The following OPCML variants were observed in gnomAD, a reference collection of about 807,000 sequenced individuals.
OPCML encodes opioid binding protein/cell adhesion molecule like.
Under a neutral mutation model 37.8 loss-of-function variants are expected in OPCML, and 13 were observed. That is an observed-to-expected ratio of 0.34 (90% CI 0.22 to 0.55). The LOEUF (loss-of-function observed/expected upper bound fraction) is 0.55. OPCML is among the 20% of genes least tolerant of loss of function. OPCML has a pLI of 0.91. For synonymous variants in OPCML, 176 were observed against 168.8 expected, an observed-to-expected ratio of 1.04 and a Z score of -0.33; for missense variants, 341 against 435.6, an observed-to-expected ratio of 0.78 and a Z score of 1.93.
At chr11:132,850,429 C>G (rs1941753612) in intron 2 of OPCML, among the ~76,000 whole-genome samples, 2 of 152,076 alleles carry the variant, frequency 1.3e-5, no homozygotes, top group Admixed American at 1.3e-4. Flanking sequence ...TTAAAACGCA[C>G]AGTTGGGTAA....
chr11:133,302,888 T>A (rs1942814891), intron 1 of OPCML, among the ~76,000 whole-genome samples: 1 of 152,162 alleles, frequency 6.6e-6, no homozygotes, highest in African/African-American at 2.4e-5. Context: ...TAAATAAATT[T>A]AATTAAGAAA....
chr11:132,977,049 G>T (rs1426383237), intron 1 of OPCML, among the ~76,000 whole-genome samples: 2 of 152,064 alleles, frequency 1.3e-5, no homozygotes, highest in Non-Finnish European at 2.9e-5. Context: ...CACGACACTG[G>T]GTTACTTTCT....
At chr11:133,078,444 C>G (rs965308196) in intron 1 of OPCML, among the ~76,000 whole-genome samples, 3 of 152,162 alleles carry the variant, frequency 2.0e-5, no homozygotes, top group Admixed American at 6.5e-5. Context: ...AGAAAATGAG[C>G]AATGGAGTGA....
chr11:133,197,071 CTTAG>C (rs1173623077), intron 1 of OPCML, among the ~76,000 whole-genome samples: 1 of 152,154 alleles, frequency 6.6e-6, no homozygotes, highest in African/African-American at 2.4e-5. Context: ...AATGTGCTGT[CTTAG>C]TTAAATTAAG....
chr11:132,503,632 A>T (rs1032208967), intron 4 of OPCML, among the ~76,000 whole-genome samples: 2 of 152,226 alleles, frequency 1.3e-5, no homozygotes, highest in African/African-American at 4.8e-5. Flanking sequence ...TAATATCTCA[A>T]TAAGTGAGAT....
chr11:133,523,488 G>T (rs1004888517), intron 1 of OPCML, among the ~76,000 whole-genome samples: 1 of 152,126 alleles, frequency 6.6e-6, no homozygotes, highest in Non-Finnish European at 1.5e-5. Flanking sequence ...GCCATCTCCT[G>T]CCTGAACTAC....
intron 1 of OPCML, among the ~76,000 whole-genome samples, chr11:133,373,977 T>C (rs1944742574): frequency 6.6e-6 from 1 of 152,236 alleles, no homozygotes; most frequent in Non-Finnish European, 1.5e-5. Flanking sequence ...TGTGTGTGTA[T>C]TGTATGATCT....
intron 4 of OPCML, among the ~76,000 whole-genome samples, chr11:132,463,484 T>A (rs2096109664): frequency 6.6e-6 from 1 of 152,212 alleles, no homozygotes; most frequent in Non-Finnish European, 1.5e-5. Context: ...CCATTGCAGA[T>A]GTCCTGAAGA....
intron 2 of OPCML, among the ~76,000 whole-genome samples, chr11:132,792,863 A>G (rs969966572): frequency 1.1e-4 from 17 of 152,320 alleles, no homozygotes; most frequent in Middle Eastern, 3.4e-3. Flanking sequence ...GGGCCCGGGC[A>G]GCACAGCAGC....
At chr11:133,389,739 T>C (rs917243195) in intron 1 of OPCML, among the ~76,000 whole-genome samples, 4 of 152,200 alleles carry the variant, frequency 2.6e-5, no homozygotes, top group African/African-American at 4.8e-5. Flanking sequence ...TTCTTTGAAA[T>C]GGTCTTCTGT....
chr11:133,448,401 T>C (rs1393493046), intron 1 of OPCML, among the ~76,000 whole-genome samples: 1 of 152,184 alleles, frequency 6.6e-6, no homozygotes, highest in African/African-American at 2.4e-5. Context: ...ATGAGCTACA[T>C]GTCTAACCTT....
At chr11:133,329,610 G>T (rs1470966386) in intron 1 of OPCML, among the ~76,000 whole-genome samples, 1 of 152,178 alleles carries the variant, frequency 6.6e-6, no homozygotes, top group Non-Finnish European at 1.5e-5. Context: ...TTTAATAAAT[G>T]GTTCTGAGAA....
At chr11:132,699,152 G>C (rs527506354) in intron 2 of OPCML, among the ~76,000 whole-genome samples, 1 of 151,596 alleles carries the variant, frequency 6.6e-6, no homozygotes, top group Non-Finnish European at 1.5e-5. Context: ...ACTTCTTTTT[G>C]ATAGGTTCTT....
chr11:133,211,367 T>G lies in OPCML; in HGVS notation c.62-268357A>C, dbSNP rs1370704115. 6.6e-6 allele frequency among the ~76,000 whole-genome samples: 1 copy of G among 152,202 alleles called. No individual in the cohort carries two copies. The highest frequency in any genetic ancestry group is 1.5e-5 in the Non-Finnish European group (1 of 68,048). Reference sequence around the variant, plus strand: ...CCTCAGTTATTGAACCCTGGGAAGTTCTGAATCCTCTCCCTCTCAAACTGG... The same window carrying G: ...CCTCAGTTATTGAACCCTGGGAAGTGCTGAATCCTCTCCCTCTCAAACTGG... On this transcript the variant is annotated intron_variant, in intron 1 of 7. Coordinates refer to ENST00000524381, the MANE Select transcript of OPCML (RefSeq NM_001012393.5). The surrounding 1 kb of genome is among the most constrained non-coding windows in gnomAD (Gnocchi z 4.1).
At chr11:133,168,631 T>C (rs1434592515) in intron 1 of OPCML, among the ~76,000 whole-genome samples, 1 of 152,222 alleles carries the variant, frequency 6.6e-6, no homozygotes, top group Non-Finnish European at 1.5e-5. Flanking sequence ...TAGTTGATTC[T>C]ATCTTGCCTA....
chr11:133,194,597 C>T (rs1463558529), intron 1 of OPCML, among the ~76,000 whole-genome samples: 1 of 152,190 alleles, frequency 6.6e-6, no homozygotes, highest in Non-Finnish European at 1.5e-5. Flanking sequence ...ATAATAACCT[C>T]ACAACTACCC....
At chr11:132,421,723 C>T (rs770650341) in intron 7 of OPCML, among the ~76,000 whole-genome samples, 15 of 152,196 alleles carry the variant, frequency 9.9e-5, no homozygotes, top group African/African-American at 1.2e-4. Flanking sequence ...CAAAAAAGGG[C>T]GGAATCCAGG....
chr11:133,279,547 C>A (rs376591600), intron 1 of OPCML, among the ~76,000 whole-genome samples: 3 of 152,274 alleles, frequency 2.0e-5, no homozygotes, highest in African/African-American at 7.2e-5. Flanking sequence ...TTCCCCTCTG[C>A]CAGAGTTCCC....
chr11:132,599,192 A>G (rs1937655267), intron 3 of OPCML, among the ~76,000 whole-genome samples: 1 of 152,172 alleles, frequency 6.6e-6, no homozygotes, highest in Non-Finnish European at 1.5e-5. Context: ...ATTCTGTGGG[A>G]GGAGAATCGC....
Sources: gnomAD v4.1 joint callset for allele counts (sites outside exome capture counted in the v4.1 genomes callset) on GRCh38, gnomAD v4.1.1 for gene constraint, Gnocchi (gnomAD v3.1) non-coding constraint, MANE v1.5 for transcripts, NCBI Gene and HGNC (gene_info 2026-07-23, HGNC 2026-07-21) for gene names.